The following CHST15 variants were observed in gnomAD, a reference collection of about 807,000 sequenced individuals.
CHST15 encodes B cell RAG associated protein (GALNAC4S-6ST).
A neutral mutation model predicts 53.6 loss-of-function variants in CHST15; 30 were observed. That is an observed-to-expected ratio of 0.56 (90% CI 0.42 to 0.76). CHST15 has a LOEUF of 0.76. Ranked by LOEUF, CHST15 falls within the 30% of genes least tolerant of loss-of-function variation. The pLI, the probability that CHST15 is intolerant of heterozygous loss-of-function variation, is 0.00. For synonymous variants in CHST15, 296 were observed against 289.8 expected, an observed-to-expected ratio of 1.02 and a Z score of -0.22; for missense variants, 627 against 740.5, an observed-to-expected ratio of 0.85 and a Z score of 1.78.
chr10:124,085,393 AG>A (rs931632649), intron 1 of CHST15, among the ~76,000 whole-genome samples: 1 of 152,214 alleles, frequency 6.6e-6, no homozygotes, highest in African/African-American at 2.4e-5. Flanking sequence ...ATGTTTTAAT[AG>A]CCCCAAAACC....
rs545988931 is a variant in CHST15 at position 124,057,977 on chromosome 10, C to G, written c.-512-11253G>C. On this transcript the variant is annotated intron_variant, in intron 1 of 7. Coordinates refer to ENST00000435907, the MANE Select transcript of CHST15 (RefSeq NM_001270764.2). ...TATGTTCATGCTGCAGTTCTCCCCCCCAATGATTTCAATGTGCACAAAAGA... is the reference window on the plus strand; with the variant it reads ...TATGTTCATGCTGCAGTTCTCCCCCGCAATGATTTCAATGTGCACAAAAGA... 2.6e-3 allele frequency among the ~76,000 whole-genome samples: 389 copies of G among 152,252 alleles called. 2 individuals carry two copies. Among genetic ancestry groups the G allele is most frequent in the African/African-American group, 8.6e-3 (357 of 41,546 alleles).
rs922522312 is a variant in CHST15 at position 124,063,645 on chromosome 10, GA to G, written c.-512-16922del. 4.5e-4 allele frequency among the ~76,000 whole-genome samples: 67 copies of G among 149,406 alleles called. No individual in the cohort carries two copies. The East Asian group carries it at 5.1e-3, about 11-fold the overall frequency. The stretch of plus-strand genomic sequence containing the variant: ...TAAAAGTGTTGATGGGGCATGGCTC[GA>G]AAAAAAAAATCTCACTAAGTTTCAG... On this transcript the variant is annotated intron_variant, in intron 1 of 7. Coordinates refer to ENST00000435907, the MANE Select transcript of CHST15 (RefSeq NM_001270764.2).
intron 1 of CHST15, among the ~76,000 whole-genome samples, chr10:124,058,639 C>T (rs1948461771): frequency 6.6e-6 from 1 of 152,248 alleles, no homozygotes; most frequent in African/African-American, 2.4e-5. Flanking sequence ...CCACCGGCCA[C>T]CCGTCTCCCT....
chr10:124,080,181 G>T (rs887259035), intron 1 of CHST15, among the ~76,000 whole-genome samples: 2 of 152,220 alleles, frequency 1.3e-5, no homozygotes, highest in Non-Finnish European at 2.9e-5. Flanking sequence ...AGGCAGAGCT[G>T]CAAATGTCAG....
chr10:124,050,123 T>C (rs950799489), intron 1 of CHST15, among the ~76,000 whole-genome samples: 6 of 152,204 alleles, frequency 3.9e-5, no homozygotes, highest in Non-Finnish European at 7.3e-5. Context: ...CACTGTATAG[T>C]ATGTCAAATA....
intron 1 of CHST15, among the ~76,000 whole-genome samples, chr10:124,055,856 G>C (rs1948361421): frequency 6.6e-6 from 1 of 152,144 alleles, no homozygotes; most frequent in Non-Finnish European, 1.5e-5. Flanking sequence ...GAAGCTCCTG[G>C]GATCCCTGAG....
At chr10:124,025,377 A>C (rs986800397) in intron 5 of CHST15, among the ~76,000 whole-genome samples, 1 of 152,160 alleles carries the variant, frequency 6.6e-6, no homozygotes, top group Non-Finnish European at 1.5e-5. Flanking sequence ...GAGCCAGGCC[A>C]CGCTCCTTCC....
chr10:124,089,029 A>C (rs533140307), intron 1 of CHST15, among the ~76,000 whole-genome samples: 1 of 152,352 alleles, frequency 6.6e-6, no homozygotes, highest in Admixed American at 6.5e-5. Context: ...AGGCCAATGA[A>C]GAAATGCCTT....
chr10:124,049,974 TCA>T (rs1273961983), intron 1 of CHST15, among the ~76,000 whole-genome samples: 2 of 151,902 alleles, frequency 1.3e-5, no homozygotes, highest in Non-Finnish European at 2.9e-5. Context: ...GGTAAGATAA[TCA>T]GTTAGGTTCT....
Position 124,034,786 on chromosome 10 carries a change from A to ACCC in CHST15, c.1190+3728_1190+3729insGGG, listed in dbSNP as rs1429058443. 5.9e-5 allele frequency among the ~76,000 whole-genome samples: 7 copies of ACCC among 119,006 alleles called. 2 individuals carry two copies. Among genetic ancestry groups the ACCC allele is most frequent in the East Asian group, 5.2e-4 (2 of 3,876 alleles). The allele number at this position is 119,006 out of a possible 152,430, so 78.1% of individuals were successfully genotyped here. Reference sequence around the variant, plus strand: ...ACGCCGGCTCCACCCCCTAACAGGGACGCCGGCTCCGCCCCTAACGGGGAC... The same window carrying ACCC: ...ACGCCGGCTCCACCCCCTAACAGGGACCCCGCCGGCTCCGCCCCTAACGGGGAC... On this transcript the variant is annotated intron_variant, in intron 5 of 7. Transcript: ENST00000435907.
At position 124,019,713 on chromosome 10, in the gene CHST15, T is replaced by C. The variant is rs958656014; in HGVS notation, c.1347+1543A>G. The C allele has an allele frequency of 1.7e-5, 15 of 898,044 alleles. No homozygotes were observed. Among genetic ancestry groups the C allele is most frequent in the Non-Finnish European group, 9.3e-6 (7 of 750,042 alleles). 55.6% of individuals were successfully genotyped at this position (898,044 alleles called of 1,614,324 possible). A position where few individuals can be genotyped will look rare whatever the true frequency, so the allele number is the denominator to read the frequency against. ...CAGCCATGAACACAGTAGTGAGATA[T>C]TCCTTTTCCACTCCTACACTATCTT... is the stretch of plus-strand genomic sequence containing the variant. On this transcript the variant is annotated intron_variant, in intron 6 of 7. Coordinates refer to ENST00000435907, the MANE Select transcript of CHST15 (RefSeq NM_001270764.2). The surrounding 1 kb of genome is among the most constrained non-coding windows in gnomAD (Gnocchi z 4.6).
intron 2 of CHST15, 122 bp from the exon 3 acceptor site, chr10:124,045,041 C>A: frequency 2.7e-6 from 1 of 366,420 alleles, no homozygotes; most frequent in Non-Finnish European, 4.0e-6. Flanking sequence ...TAATATTTGA[C>A]AATGATTAAC....
At chr10:124,035,588 C>T (rs759428046) in intron 5 of CHST15, among the ~76,000 whole-genome samples, 20 of 152,038 alleles carry the variant, frequency 1.3e-4, no homozygotes, top group Non-Finnish European at 2.5e-4. Context: ...GGCTTCATCC[C>T]CTAACAGGGC....
At position 124,042,581 on chromosome 10, in the gene CHST15, G is replaced by GT. The variant is rs1947784416; in HGVS notation, c.887-135dup. On this transcript the variant is annotated intron_variant, in intron 3 of 7. Coordinates refer to ENST00000435907, the MANE Select transcript of CHST15 (RefSeq NM_001270764.2). The stretch of plus-strand genomic sequence containing the variant: ...GACAGCAGCAAGAGGCTCAGCCCAG[G>GT]TAAGCTTCAGAAAGGGCTGCTGGGG... 4 of 983,066 alleles carry GT rather than the reference G, an allele frequency of 4.1e-6. No homozygotes were observed. In the Middle Eastern group the frequency reaches 9.6e-4, roughly 236 times the overall value. 60.9% of individuals were successfully genotyped at this position (983,066 alleles called of 1,614,324 possible).
At chr10:124,035,076 C>T (rs1370564735) in intron 5 of CHST15, among the ~76,000 whole-genome samples, 4 of 136,362 alleles carry the variant, frequency 2.9e-5, no homozygotes, top group South Asian at 2.5e-4. Context: ...CACCCCCTAA[C>T]AGGGACGCCG....
intron 1 of CHST15, among the ~76,000 whole-genome samples, chr10:124,083,854 CTG>C (rs564975076): frequency 6.6e-6 from 1 of 152,204 alleles, no homozygotes; most frequent in Non-Finnish European, 1.5e-5. Context: ...TTATTAAAAA[CTG>C]TGACGGATGA....
chr10:124,088,196 G>C (rs1427477997), intron 1 of CHST15, among the ~76,000 whole-genome samples: 1 of 152,240 alleles, frequency 6.6e-6, no homozygotes, highest in East Asian at 1.9e-4. Flanking sequence ...AAGCCAGGGG[G>C]CGAAGTCTTC....
intron 1 of CHST15, among the ~76,000 whole-genome samples, chr10:124,067,573 G>A (rs564775977): frequency 2.0e-5 from 3 of 152,318 alleles, no homozygotes; most frequent in South Asian, 2.1e-4. Flanking sequence ...GGAAGTCTGC[G>A]CCCTCAACTA....
intron 1 of CHST15, 133 bp downstream of exon 1, chr10:124,093,336 G>A (rs1590399209): frequency 6.6e-6 from 1 of 152,244 alleles, no homozygotes; most frequent in South Asian, 1.8e-4. Flanking sequence ...GACTCCCTAC[G>A]CCCAGCCCCG....
Sources: allele counts gnomAD v4.1 joint callset (sites outside exome capture counted in the v4.1 genomes callset), GRCh38; gene constraint gnomAD v4.1.1; non-coding constraint Gnocchi (gnomAD v3.1); transcripts MANE v1.5; gene names NCBI Gene and HGNC (gene_info 2026-07-23, HGNC 2026-07-21).